The following SERINC5 variants were observed in gnomAD, a reference collection of about 807,000 sequenced individuals.
The protein encoded by SERINC5 is serine incorporator 5.
A neutral mutation model predicts 63.1 loss-of-function variants in SERINC5; 41 were observed. The ratio of observed to expected loss-of-function variants is 0.65; its 90% CI spans 0.51 to 0.84. The LOEUF (loss-of-function observed/expected upper bound fraction) is 0.84. Among genes scored for constraint, SERINC5 ranks in the 40% least tolerant of loss-of-function variants. The probability of loss-of-function intolerance (pLI) is 0.00; values close to 1 mark genes in which losing one functional copy is unlikely to be tolerated. For synonymous variants in SERINC5, 222 were observed against 215.2 expected, an observed-to-expected ratio of 1.03 and a Z score of -0.28; for missense variants, 523 against 573.0, an observed-to-expected ratio of 0.91 and a Z score of 0.89.
At chr5:80,124,891 G>C (rs1744686810) in intron 11 of SERINC5, among the ~76,000 whole-genome samples, 1 of 152,166 alleles carries the variant, frequency 6.6e-6, no homozygotes, top group African/African-American at 2.4e-5. Flanking sequence ...TCTTGTTTAT[G>C]AACATGGCAA....
chr5:80,148,354 C>A lies in SERINC5; in HGVS notation c.1054-1070G>T, dbSNP rs191030854. ...TACAGGCATGTGCCACCATGCCTGG[C>A]TAATTTTGTATTTTTAGTAGAGACG... On this transcript the variant is annotated intron_variant, in intron 9 of 11. Transcript: ENST00000507668. 4.6e-5 allele frequency among the ~76,000 whole-genome samples: 7 copies of A among 151,776 alleles called. No individual in the cohort carries two copies. In the South Asian group the frequency reaches 6.3e-4, roughly 14 times the overall value.
In SERINC5 at chr5:80,140,422, T is replaced by TA. The variant is rs1745440165; in HGVS notation, c.*3240dup. 7.2e-6 allele frequency: 7 copies of TA among 975,322 alleles called. No individual in the cohort carries two copies. Among genetic ancestry groups the TA allele is most frequent in the Non-Finnish European group, 8.5e-6 (7 of 827,752 alleles). 60.4% of individuals were successfully genotyped at this position (975,322 alleles called of 1,614,324 possible). On this transcript the variant is annotated 3_prime_UTR_variant, in exon 12 of 12. Transcript: ENST00000507668. Reference sequence around the variant, plus strand: ...AAAGGATCTTCTGAGGAATCGGAAATAAACAATGTTGTATGGAAACAGAAC... The same window carrying TA: ...AAAGGATCTTCTGAGGAATCGGAAATAAAACAATGTTGTATGGAAACAGAAC...
chr5:80,155,984 G>A (rs192818860), intron 8 of SERINC5, among the ~76,000 whole-genome samples: 27 of 152,150 alleles, frequency 1.8e-4, no homozygotes, highest in Non-Finnish European at 3.7e-4. Flanking sequence ...TACCCCAGCT[G>A]CAAGAGTCAG....
At chr5:80,222,393 C>T (rs1580186540) in intron 1 of SERINC5, among the ~76,000 whole-genome samples, 1 of 152,072 alleles carries the variant, frequency 6.6e-6, no homozygotes, top group African/African-American at 2.4e-5. Flanking sequence ...TCATCACGGA[C>T]AAGTTAGGTG....
intron 2 of SERINC5, among the ~76,000 whole-genome samples, chr5:80,189,805 A>G (rs1179055386): frequency 6.6e-6 from 1 of 151,744 alleles, no homozygotes; most frequent in Non-Finnish European, 1.5e-5. Flanking sequence ...TCAAACTCCT[A>G]GACGCAAGCC....
downstream of SERINC5, among the ~76,000 whole-genome samples, chr5:80,111,424 T>G (rs1744104602): frequency 1.3e-5 from 2 of 152,284 alleles, no homozygotes; most frequent in African/African-American, 4.8e-5. Flanking sequence ...AAGCAAACAG[T>G]TCCAGGTGCA....
At chr5:80,181,657 CTTT>C (rs147711800) in intron 2 of SERINC5, among the ~76,000 whole-genome samples, 1 of 151,550 alleles carries the variant, frequency 6.6e-6, no homozygotes, top group Non-Finnish European at 1.5e-5. Context: ...TTTTTTATGA[CTTT>C]TTTTTTACAC....
chr5:80,240,602 G>A (rs923538880), intron 1 of SERINC5, among the ~76,000 whole-genome samples: 11 of 152,120 alleles, frequency 7.2e-5, no homozygotes, highest in African/African-American at 2.7e-4. Context: ...CTAGTGTAGA[G>A]TATTTACATT....
At chr5:80,249,932 T>G (rs1752330931) in intron 1 of SERINC5, among the ~76,000 whole-genome samples, 1 of 152,234 alleles carries the variant, frequency 6.6e-6, no homozygotes, top group South Asian at 2.1e-4. Context: ...CCCACATTGT[T>G]CAAAAAAGTA....
intron 1 of SERINC5, among the ~76,000 whole-genome samples, chr5:80,218,589 C>CA (rs1750770194): frequency 6.6e-6 from 1 of 151,540 alleles, no homozygotes; most frequent in African/African-American, 2.4e-5. Flanking sequence ...GCAGGAGAAT[C>CA]ACTTGAACCA....
intron 7 of SERINC5, among the ~76,000 whole-genome samples, chr5:80,163,268 ACAT>A (rs996003429): frequency 6.6e-6 from 1 of 152,182 alleles, no homozygotes; most frequent in Non-Finnish European, 1.5e-5. Flanking sequence ...ATATAGAATC[ACAT>A]CATCAACAAA....
At position 80,255,943 on chromosome 5, in the gene SERINC5, G is replaced by A. The variant is rs781434919; in HGVS notation, c.-21C>T. On this transcript the variant is annotated 5_prime_UTR_variant, in exon 1 of 12. Coordinates refer to ENST00000507668, the MANE Select transcript of SERINC5 (RefSeq NM_001174072.3). ...GACATCGCGGCGGCCAATGCCGAAGGCGCGCTCGCTGGCTCCCCGCGCCGC... is the reference window on the plus strand; with the variant it reads ...GACATCGCGGCGGCCAATGCCGAAGACGCGCTCGCTGGCTCCCCGCGCCGC... 12 of 1,538,022 alleles carry A rather than the reference G, an allele frequency of 7.8e-6. No homozygotes were observed. The African/African-American group carries it at 1.1e-4, about 15-fold the overall frequency.
chr5:80,129,963 C>T (rs916862056), intron 11 of SERINC5, among the ~76,000 whole-genome samples: 6 of 152,184 alleles, frequency 3.9e-5, no homozygotes, highest in Admixed American at 3.9e-4. Context: ...GTCTTCAGTG[C>T]TTAGTTGAAA....
At chr5:80,144,004 T>C in intron 11 of SERINC5, 194 bp from the exon 12 acceptor site, 1 of 635,282 alleles carries the variant, frequency 1.6e-6, no homozygotes, top group East Asian at 2.9e-5. Context: ...CCTTAGGTGC[T>C]CTCCCCTTCC....
chr5:80,215,000 T>C (rs1750601564), intron 1 of SERINC5, among the ~76,000 whole-genome samples: 1 of 152,262 alleles, frequency 6.6e-6, no homozygotes, highest in Non-Finnish European at 1.5e-5. Flanking sequence ...TTAACTGATG[T>C]AAATAAACCA....
At chr5:80,117,334 C>T (rs748451297) in intron 11 of SERINC5, among the ~76,000 whole-genome samples, 6 of 152,068 alleles carry the variant, frequency 3.9e-5, no homozygotes, top group Non-Finnish European at 4.4e-5. Flanking sequence ...AATATTGGCA[C>T]CTACCTCATA....
chr5:80,209,511 T>C (rs770688715), intron 1 of SERINC5, among the ~76,000 whole-genome samples: 4 of 152,206 alleles, frequency 2.6e-5, no homozygotes, highest in Non-Finnish European at 5.9e-5. Context: ...TCAGTGTGAC[T>C]TTGTTATGGT....
intron 1 of SERINC5, among the ~76,000 whole-genome samples, chr5:80,204,647 C>T (rs557808237): frequency 1.8e-4 from 28 of 152,196 alleles, no homozygotes; most frequent in African/African-American, 6.3e-4. Flanking sequence ...GTATTATAAT[C>T]GTGACTCTCA....
chr5:80,197,151 C>A (rs1314326899), intron 2 of SERINC5, among the ~76,000 whole-genome samples: 2 of 151,912 alleles, frequency 1.3e-5, no homozygotes, highest in Non-Finnish European at 2.9e-5. Flanking sequence ...GAGTTCGAGA[C>A]CAGCCTGGCC....
Sources: allele counts gnomAD v4.1 joint callset (sites outside exome capture counted in the v4.1 genomes callset), GRCh38; gene constraint gnomAD v4.1.1; transcripts MANE v1.5; gene names NCBI Gene and HGNC (gene_info 2026-07-23, HGNC 2026-07-21).